Variants in NDST3 observed in about 807,000 individuals in gnomAD.
The protein encoded by NDST3 is bifunctional heparan sulfate N-deacetylase/N-sulfotransferase 3.
A neutral mutation model predicts 96.1 loss-of-function variants in NDST3; 58 were observed. The ratio of observed to expected loss-of-function variants is 0.60; its 90% confidence interval spans 0.49 to 0.75. NDST3 has a LOEUF of 0.75. Ranked by LOEUF, NDST3 falls within the 30% of genes least tolerant of loss-of-function variation. The pLI is 0.00. For synonymous variants in NDST3, 333 were observed against 359.7 expected (o/e 0.93, Z 0.84); for missense variants, 788 against 1,034.2 (o/e 0.76, Z 3.27).
chr4:118,151,627 A>C (rs1207325315), intron 6 of NDST3, among the ~76,000 whole-genome samples: 1 of 152,116 alleles, frequency 6.6e-6, no homozygotes, highest in Non-Finnish European at 1.5e-5. Context: ...AAAATGGAGA[A>C]GTAATTTTGG....
At chr4:118,226,706 T>C (rs750258886) in intron 7 of NDST3, among the ~76,000 whole-genome samples, 180 bp from the exon 8 acceptor site, 15 of 152,150 alleles carry the variant, frequency 9.9e-5, no homozygotes, top group East Asian at 3.9e-4. Context: ...AACCTCAACA[T>C]GGAAGGGAGT....
chr4:118,117,831 C>T (rs1731243418), intron 4 of NDST3, among the ~76,000 whole-genome samples: 1 of 152,186 alleles, frequency 6.6e-6, no homozygotes, highest in Non-Finnish European at 1.5e-5. Flanking sequence ...CAACCCAATT[C>T]ACAGGTGTGA....
Position 118,089,580 on chromosome 4 carries a change from G to A in NDST3, c.982-15438G>A, listed in dbSNP as rs369235540. ...AGAAGAAATACTGAGATTGGTCTGA[G>A]GCTACAACATAAACAAATGTGATCT... On this transcript the variant is annotated intron_variant, in intron 2 of 13. Transcript: ENST00000296499. Among the ~76,000 whole-genome samples the A allele has an allele frequency of 8.6e-5, 13 of 151,836 alleles. No homozygotes were observed. The East Asian group carries it at 1.4e-3, about 16-fold the overall frequency.
intron 1 of NDST3, among the ~76,000 whole-genome samples, chr4:118,035,900 C>T (rs1724124000): frequency 6.6e-6 from 1 of 151,912 alleles, no homozygotes; most frequent in Admixed American, 6.6e-5. Context: ...TAAAATAAAA[C>T]TTTTATCTCT....
rs76697205 is a variant in NDST3, at chr4:118,094,112, T to C, written c.982-10906T>C. Among the ~76,000 whole-genome samples, 26 of 151,976 alleles carry C rather than the reference T, an allele frequency of 1.7e-4. No homozygotes were observed. The East Asian group carries it at 5.0e-3, about 29-fold the overall frequency. On this transcript the variant is annotated intron_variant, in intron 2 of 13. Transcript: ENST00000296499. ...CTTCTTAATACTACCACACTGGCAA[T>C]TAAGTTTCAACATATGTATTGTGGG...
chr4:118,254,334 G>A (rs1027833059), intron 13 of NDST3, among the ~76,000 whole-genome samples: 1 of 151,914 alleles, frequency 6.6e-6, no homozygotes, highest in African/African-American at 2.4e-5. Context: ...GTAAGTTACT[G>A]ATATAATATA....
intron 2 of NDST3, 134 bp downstream of exon 2, chr4:118,055,025 C>T (rs561500288): frequency 1.2e-4 from 129 of 1,055,134 alleles, no homozygotes; most frequent in African/African-American, 1.2e-3. Context: ...CTAGGATTAT[C>T]GCTCACCCTA....
chr4:118,178,888 A>T (rs1736428623), intron 6 of NDST3, among the ~76,000 whole-genome samples: 1 of 152,028 alleles, frequency 6.6e-6, no homozygotes, highest in African/African-American at 2.4e-5. Flanking sequence ...TAAGTTTGAG[A>T]TTATTTTAGT....
intron 2 of NDST3, among the ~76,000 whole-genome samples, chr4:118,068,948 T>C (rs2125797363): frequency 6.6e-6 from 1 of 152,238 alleles, no homozygotes; most frequent in Admixed American, 6.6e-5. Flanking sequence ...TTGGCAAATA[T>C]GTGTACATGT....
At chr4:118,249,914 T>G (rs1427415713) in intron 12 of NDST3, among the ~76,000 whole-genome samples, 1 of 152,146 alleles carries the variant, frequency 6.6e-6, no homozygotes, top group Non-Finnish European at 1.5e-5. Context: ...TCCAAAAAAT[T>G]TAATCATGCT....
At chr4:118,185,010 G>A (rs954881405) in intron 6 of NDST3, among the ~76,000 whole-genome samples, 2 of 152,092 alleles carry the variant, frequency 1.3e-5, no homozygotes, top group Non-Finnish European at 2.9e-5. Flanking sequence ...TAATAAATAT[G>A]AGTCACTAAA....
intron 6 of NDST3, among the ~76,000 whole-genome samples, chr4:118,183,280 T>C (rs531634930): frequency 1.9e-4 from 29 of 152,290 alleles, no homozygotes; most frequent in South Asian, 1.7e-3. Flanking sequence ...CTGCCCCACA[T>C]TGGGCACCAG....
intron 2 of NDST3, among the ~76,000 whole-genome samples, chr4:118,067,884 C>T (rs1726724907): frequency 6.6e-6 from 1 of 151,694 alleles, no homozygotes; most frequent in South Asian, 2.1e-4. Context: ...AACAAACCTG[C>T]ACGTTCTACA....
chr4:118,194,186 T>C, intron 6 of NDST3: 1 of 771,296 alleles, frequency 1.3e-6, no homozygotes, highest in African/African-American at 1.7e-5. Flanking sequence ...ATAAGGCAGA[T>C]CCAGATTCTC....
intron 1 of NDST3, among the ~76,000 whole-genome samples, chr4:118,035,115 T>A (rs1724074282): frequency 6.6e-6 from 1 of 152,160 alleles, no homozygotes; most frequent in South Asian, 2.1e-4. Context: ...AACAGATATA[T>A]CTTCTATTTA....
At chr4:118,162,447 G>T (rs4502667) in intron 6 of NDST3, among the ~76,000 whole-genome samples, 2 of 151,332 alleles carry the variant, frequency 1.3e-5, no homozygotes, top group African/African-American at 4.9e-5. Flanking sequence ...ATAATGCTGC[G>T]TATCTACAAC....
At chr4:118,045,162 T>A (rs1404650881) in intron 1 of NDST3, among the ~76,000 whole-genome samples, 3 of 152,174 alleles carry the variant, frequency 2.0e-5, no homozygotes, top group African/African-American at 7.2e-5. Flanking sequence ...CCTTACCCAA[T>A]ATTGTGCTCA....
At chr4:118,214,570 A>G (rs1442664876) in intron 6 of NDST3, among the ~76,000 whole-genome samples, 29 of 152,180 alleles carry the variant, frequency 1.9e-4, no homozygotes, top group Admixed American at 1.9e-3. Flanking sequence ...CACATGACTC[A>G]CAGTATGTAT....
intron 6 of NDST3, among the ~76,000 whole-genome samples, chr4:118,202,235 G>A (rs35749089): frequency 0.052 from 7,864 of 152,094 alleles, 288 homozygotes; most frequent in Non-Finnish European, 0.083. Flanking sequence ...GCCTTATATA[G>A]TGTAGCCTTG....
Sources: gnomAD v4.1 joint callset for allele counts (sites outside exome capture counted in the v4.1 genomes callset) on GRCh38, gnomAD v4.1.1 for gene constraint, MANE v1.5 for transcripts, NCBI Gene and HGNC (gene_info 2026-07-23, HGNC 2026-07-21) for gene names.